Variants in KIF21A observed in about 807,000 individuals in gnomAD.
KIF21A encodes kinesin-like protein KIF21A.
In KIF21A, 114 loss-of-function variants were observed where a neutral mutation model predicts 202.9. The ratio of observed to expected loss-of-function variants is 0.56; its 90% CI spans 0.48 to 0.66. The LOEUF is 0.66. Among genes scored for constraint, KIF21A ranks in the 30% least tolerant of loss-of-function variants. The pLI is 0.00. For missense variants in KIF21A, 1,677 were observed against 1,994.9 expected (o/e 0.84, Z 3.04); for synonymous variants, 667 against 670.8 (o/e 0.99, Z 0.09).
At chr12:39,404,493 A>G (rs1411495278) in intron 1 of KIF21A, among the ~76,000 whole-genome samples, 1 of 152,198 alleles carries the variant, frequency 6.6e-6, no homozygotes, top group Non-Finnish European at 1.5e-5. Context: ...AGTAGTGCTT[A>G]AGATAATCTG....
At chr12:39,345,486 A>C (rs1296960659) in intron 12 of KIF21A, among the ~76,000 whole-genome samples, 2 of 151,706 alleles carry the variant, frequency 1.3e-5, no homozygotes, top group Non-Finnish European at 2.9e-5. Context: ...ATACTATATA[A>C]CATACTAAAT....
intron 10 of KIF21A, among the ~76,000 whole-genome samples, chr12:39,356,072 G>A (rs1324992211): frequency 2.0e-5 from 3 of 152,192 alleles, no homozygotes; most frequent in African/African-American, 2.4e-5. Context: ...GGAGCTGACT[G>A]GGGTTTTCCT....
At chr12:39,425,890 G>A (rs1281669760) in intron 1 of KIF21A, among the ~76,000 whole-genome samples, 1 of 142,762 alleles carries the variant, frequency 7.0e-6, no homozygotes, top group Non-Finnish European at 1.5e-5. Context: ...ACAAGAGCTA[G>A]CTACTCTGAA....
chr12:39,372,807 C>T (rs1405820142), intron 1 of KIF21A, among the ~76,000 whole-genome samples: 1 of 152,110 alleles, frequency 6.6e-6, no homozygotes, highest in Non-Finnish European at 1.5e-5. Flanking sequence ...CTTTTTACCA[C>T]AGCAAAAACC....
At chr12:39,374,797 G>C (rs1228807962) in intron 1 of KIF21A, among the ~76,000 whole-genome samples, 2 of 152,138 alleles carry the variant, frequency 1.3e-5, no homozygotes, top group Admixed American at 6.6e-5. Context: ...TGAGGAGCCT[G>C]GCTTTACTAA....
chr12:39,294,219 T>C lies in KIF21A; in HGVS notation c.*205A>G. The stretch of plus-strand genomic sequence containing the variant: ...AGCAATATATCAATTGTAGGATATA[T>C]ATCTATTGGTTGATCTTAAAACTAA... On this transcript the variant is annotated 3_prime_UTR_variant, in exon 38 of 38. Transcript: ENST00000361418. 1.9e-6 allele frequency: 1 copy of C among 521,052 alleles called. No homozygotes were observed. Among genetic ancestry groups the C allele is most frequent in the Middle Eastern group, 5.4e-4 (1 of 1,850 alleles). 32.3% of individuals were successfully genotyped at this position (521,052 alleles called of 1,614,324 possible). A position where few individuals can be genotyped will look rare whatever the true frequency, so the allele number is the denominator to read the frequency against.
intron 10 of KIF21A, 147 bp downstream of exon 10, chr12:39,356,685 A>G: frequency 1.9e-6 from 1 of 533,376 alleles, no homozygotes; most frequent in Non-Finnish European, 3.3e-6. Context: ...AAGGTAAGTA[A>G]AGAATCTCCT....
intron 11 of KIF21A, among the ~76,000 whole-genome samples, chr12:39,350,048 T>C (rs756525564): frequency 1.4e-4 from 21 of 152,022 alleles, no homozygotes; most frequent in Non-Finnish European, 2.8e-4. Context: ...TTTCTCATTC[T>C]AAGCTATCTT....
chr12:39,340,286 T>C lies in KIF21A; in HGVS notation c.2189A>G (p.Lys730Arg). The change falls in exon 16 of 38, where the codon AAA becomes AGA. Residue 730 changes from lysine to arginine, a missense_variant. Around this residue, in one of 3 missense-constraint regions of KIF21A, gnomAD observed 966 missense variants for 1,180.9 expected, o/e 0.82. Coordinates refer to ENST00000361418, the MANE Select transcript of KIF21A (RefSeq NM_001173464.2). ...EYEKKLQAMN[K>R]ELQRLQAAQK... Reference sequence around the variant, plus strand: ...AGCTGCTTGAAGTCTCTGCAGTTCTTTGTTCATGGCTTGGAGTTTCTTTTC... The same window carrying C: ...AGCTGCTTGAAGTCTCTGCAGTTCTCTGTTCATGGCTTGGAGTTTCTTTTC... The C allele has an allele frequency of 6.2e-7, 1 of 1,613,216 alleles. No individual in the cohort carries two copies. Among genetic ancestry groups the C allele is most frequent in the Non-Finnish European group, 8.5e-7 (1 of 1,179,616 alleles).
chr12:39,318,241 G>C, intron 28 of KIF21A, 40 bp from the exon 29 acceptor site: 1 of 1,599,620 alleles, frequency 6.3e-7, no homozygotes, highest in East Asian at 2.2e-5. Context: ...GGCTTTAATT[G>C]GTTATGATTT....
chr12:39,389,220 A>G (rs953238899), intron 1 of KIF21A, among the ~76,000 whole-genome samples: 3 of 150,332 alleles, frequency 2.0e-5, no homozygotes, highest in Non-Finnish European at 4.4e-5. Context: ...ACATATATAC[A>G]TACATGCTGA....
chr12:39,302,153 G>A (rs1356030735), intron 36 of KIF21A, among the ~76,000 whole-genome samples: 1 of 152,134 alleles, frequency 6.6e-6, no homozygotes, highest in Non-Finnish European at 1.5e-5. Flanking sequence ...ATTTCATGAT[G>A]AGTAAACAGT....
chr12:39,298,135 G>A (rs1395873465), intron 37 of KIF21A, among the ~76,000 whole-genome samples: 1 of 152,032 alleles, frequency 6.6e-6, no homozygotes, highest in Non-Finnish European at 1.5e-5. Flanking sequence ...CTGGAGAAAA[G>A]GGAAACAAAG....
In KIF21A at chr12:39,413,163, ACTT is replaced by A. The variant is rs558745094; in HGVS notation, c.44+29761_44+29763del. 2.7e-3 allele frequency among the ~76,000 whole-genome samples: 411 copies of A among 152,296 alleles called. 3 individuals carry two copies. The highest frequency in any genetic ancestry group is 9.7e-3 in the African/African-American group (401 of 41,554). ...CACTTAATTTTAATTACCTAACTGAACTTCTTCTTTATAAAAAAAAGAATACAG... is the reference window on the plus strand; with the variant it reads ...CACTTAATTTTAATTACCTAACTGAACTTCTTTATAAAAAAAAGAATACAG... On this transcript the variant is annotated intron_variant, in intron 1 of 37. Coordinates refer to ENST00000361418, the MANE Select transcript of KIF21A (RefSeq NM_001173464.2).
Position 39,333,234 on chromosome 12 carries a change from A to C in KIF21A, c.2465T>G (p.Val822Gly). The C allele has an allele frequency of 6.2e-7, 1 of 1,613,876 alleles. No individual in the cohort carries two copies. The highest frequency in any genetic ancestry group is 8.5e-7 in the Non-Finnish European group (1 of 1,179,766). ...TACCTCTTCAGTTTTGCGACGTAGA[A>C]CCACTTCTTGGTTTCTTTTTTGGGC... is the stretch of plus-strand genomic sequence containing the variant. ...LEAQKRNQEV[V>G]LRRKTEEVTA... The change falls in exon 18 of 38, where the codon GTT becomes GGT. Residue 822 changes from valine (V) to glycine (G), a missense_variant. Transcript: ENST00000361418.
In KIF21A at chr12:39,404,930, G is replaced by A. The variant is rs113404680; in HGVS notation, c.45-34669C>T. 2.7e-3 allele frequency among the ~76,000 whole-genome samples: 414 copies of A among 151,402 alleles called. 3 individuals carry two copies. Among genetic ancestry groups the A allele is most frequent in the African/African-American group, 9.1e-3 (376 of 41,204 alleles). On this transcript the variant is annotated intron_variant, in intron 1 of 37. Transcript: ENST00000361418. ...CTGAACTAATACAAATTTCAAATGC[G>A]CAATGTTAAACAAATTCTGTCTATG...
chr12:39,333,587 A>G (rs1946693906), intron 17 of KIF21A, among the ~76,000 whole-genome samples: 1 of 152,142 alleles, frequency 6.6e-6, no homozygotes, highest in Non-Finnish European at 1.5e-5. Flanking sequence ...ATGTTATCTT[A>G]TTTAATTTTG....
chr12:39,302,717 C>T (rs779474843), intron 36 of KIF21A, among the ~76,000 whole-genome samples: 1 of 152,180 alleles, frequency 6.6e-6, no homozygotes, highest in Non-Finnish European at 1.5e-5. Flanking sequence ...ATGCATGGAG[C>T]AACCCTAGAT....
chr12:39,395,703 G>A (rs1483030317), intron 1 of KIF21A, among the ~76,000 whole-genome samples: 2 of 151,996 alleles, frequency 1.3e-5, no homozygotes, highest in African/African-American at 4.8e-5. Flanking sequence ...CTAGACAGGC[G>A]TGGTTGCGGG....
Sources: gnomAD v4.1 joint callset for allele counts (sites outside exome capture counted in the v4.1 genomes callset) on GRCh38, gnomAD v4.1.1 for gene constraint, gnomAD v4.1.1 regional missense constraint, MANE v1.5 for transcripts, NCBI Gene and HGNC (gene_info 2026-07-23, HGNC 2026-07-21) for gene names.